Variants in MEOX2 observed in about 807,000 individuals in gnomAD.
MEOX2 encodes homeobox protein MOX-2.
Under a neutral mutation model 27.0 loss-of-function variants are expected in MEOX2, and 11 were observed. The ratio of observed to expected loss-of-function variants is 0.41; its 90% CI spans 0.26 to 0.68. The LOEUF (loss-of-function observed/expected upper bound fraction) is 0.68. MEOX2 is among the 30% of genes least tolerant of loss of function. MEOX2 has a pLI of 0.33. For synonymous variants in MEOX2, 189 were observed against 155.4 expected, an observed-to-expected ratio of 1.22 and a Z score of -1.61; for missense variants, 436 against 385.4, an observed-to-expected ratio of 1.13 and a Z score of -1.10.
intron 1 of MEOX2, among the ~76,000 whole-genome samples, chr7:15,632,669 T>A (rs1003977952): frequency 6.6e-6 from 1 of 151,874 alleles, no homozygotes; most frequent in Non-Finnish European, 1.5e-5. Context: ...TGCGTCAAAT[T>A]TGACACAGAT....
rs1048013657 is a variant in MEOX2, at chr7:15,686,100, C to T, written c.303G>A (p.Pro101=). The T allele has an allele frequency of 4.3e-5, 68 of 1,585,436 alleles. No homozygotes were observed. Among genetic ancestry groups the T allele is most frequent in the Non-Finnish European group, 5.3e-5 (62 of 1,167,190 alleles). The change falls in exon 1 of 3, where the codon CCG becomes CCA. Residue 101 remains proline (P), a synonymous_variant. Transcript: ENST00000262041. ...GGCAGAGGCTGTGCCGAGCCGCACT[C>T]GGTGGGGAAGACATCTGCGGGAGGT... ...NWHLPQMSSP[P]SAARHSLCLQ...
chr7:15,624,348 A>C (rs1190080874), intron 2 of MEOX2, among the ~76,000 whole-genome samples: 1 of 152,166 alleles, frequency 6.6e-6, no homozygotes, highest in Non-Finnish European at 1.5e-5. Context: ...AAACTGAACT[A>C]TCTCTCATGT....
intron 1 of MEOX2, among the ~76,000 whole-genome samples, chr7:15,635,598 G>C (rs1291554683): frequency 2.6e-5 from 4 of 151,972 alleles, no homozygotes; most frequent in African/African-American, 9.7e-5. Context: ...GTTATTAGGA[G>C]AGGACTGTGG....
chr7:15,620,916 T>G (rs1781212158), intron 2 of MEOX2, among the ~76,000 whole-genome samples: 1 of 152,036 alleles, frequency 6.6e-6, no homozygotes, highest in African/African-American at 2.4e-5. Flanking sequence ...GATCTCCCAT[T>G]CTGTCTATAT....
chr7:15,676,257 GT>G (rs1782190535), intron 1 of MEOX2: 1 of 152,102 alleles, frequency 6.6e-6, no homozygotes, highest in Admixed American at 6.6e-5. Flanking sequence ...TATGTTCTTT[GT>G]AAAAAGAAAT....
intron 1 of MEOX2, among the ~76,000 whole-genome samples, chr7:15,639,343 G>T (rs1781527694): frequency 1.3e-5 from 2 of 151,778 alleles, no homozygotes; most frequent in Admixed American, 1.3e-4. Context: ...TTTTCTTGTG[G>T]ATTTGTTTAA....
chr7:15,640,619 T>A (rs1485066620), intron 1 of MEOX2, among the ~76,000 whole-genome samples: 1 of 152,160 alleles, frequency 6.6e-6, no homozygotes, highest in East Asian at 1.9e-4. Context: ...TTAAAGGGAA[T>A]GTTTTCAAAT....
intron 1 of MEOX2, among the ~76,000 whole-genome samples, chr7:15,660,561 T>A (rs1334861182): frequency 2.6e-5 from 4 of 152,148 alleles, no homozygotes; most frequent in African/African-American, 9.7e-5. Context: ...AGTAGAACTA[T>A]TCCCGCCTCC....
At chr7:15,640,759 T>G (rs1781547070) in intron 1 of MEOX2, among the ~76,000 whole-genome samples, 2 of 152,172 alleles carry the variant, frequency 1.3e-5, no homozygotes, top group African/African-American at 4.8e-5. Flanking sequence ...TAACAAATGC[T>G]TTTTCTGCAT....
intron 1 of MEOX2, among the ~76,000 whole-genome samples, chr7:15,647,690 CCAA>C (rs1781673485): frequency 6.6e-6 from 1 of 151,894 alleles, no homozygotes; most frequent in Non-Finnish European, 1.5e-5. Context: ...TTTGTAACAG[CCAA>C]CAACAAAAAC....
At chr7:15,675,903 T>C (rs1782185247) in intron 1 of MEOX2, 1 of 152,190 alleles carries the variant, frequency 6.6e-6, no homozygotes, top group South Asian at 2.1e-4. Flanking sequence ...CACTCTCTGT[T>C]CCTTTAAACT....
In MEOX2 at chr7:15,612,328, G is replaced by T. The variant is rs1046039061; in HGVS notation, c.*59C>A. ...CATCTCTCTGTGTAAACGATATTTG[G>T]GTAAGGCTTGCCATCACAACATTTC... On this transcript the variant is annotated 3_prime_UTR_variant, in exon 3 of 3. Transcript: ENST00000262041. 6 of 1,325,540 alleles carry T rather than the reference G, an allele frequency of 4.5e-6. No individual in the cohort carries two copies. The highest frequency in any genetic ancestry group is 5.4e-6 in the Non-Finnish European group (5 of 919,990). The allele number at this position is 1,325,540 out of a possible 1,614,324, so 82.1% of individuals were successfully genotyped here.
chr7:15,641,132 T>C (rs530902420), intron 1 of MEOX2, among the ~76,000 whole-genome samples: 16 of 152,180 alleles, frequency 1.1e-4, no homozygotes, highest in Non-Finnish European at 2.2e-4. Flanking sequence ...AATTTGGCTA[T>C]GAATCCATTT....
chr7:15,646,220 A>G (rs1331334647), intron 1 of MEOX2, among the ~76,000 whole-genome samples: 1 of 152,104 alleles, frequency 6.6e-6, no homozygotes, highest in East Asian at 1.9e-4. Flanking sequence ...TAAATGAACA[A>G]ATGGGATAAT....
chr7:15,680,969 T>C (rs1782283663), intron 1 of MEOX2: 1 of 151,306 alleles, frequency 6.6e-6, no homozygotes, highest in South Asian at 2.1e-4. Context: ...ATTATTACAA[T>C]CAAGGGGGGA....
chr7:15,656,777 C>G (rs1322971025), intron 1 of MEOX2, among the ~76,000 whole-genome samples: 1 of 151,892 alleles, frequency 6.6e-6, no homozygotes, highest in African/African-American at 2.4e-5. Flanking sequence ...TAATTTTACC[C>G]TTGCCATTGT....
At chr7:15,650,254 C>A (rs559479624) in intron 1 of MEOX2, among the ~76,000 whole-genome samples, 1 of 152,076 alleles carries the variant, frequency 6.6e-6, no homozygotes, top group Non-Finnish European at 1.5e-5. Context: ...GGCTCAAAAT[C>A]ATTAAAGAGT....
At position 15,686,034 on chromosome 7, in the gene MEOX2, G is replaced by A; in HGVS notation, c.369C>T (p.Ser123=). The A allele has an allele frequency of 6.2e-7, 1 of 1,606,260 alleles. No individual in the cohort carries two copies. Among genetic ancestry groups the A allele is most frequent in the Non-Finnish European group, 8.5e-7 (1 of 1,179,230 alleles). ...AAGAGTTGGAGCACAGGACGGGCGG[G>A]CTGCTCCCCAACTCTGGGGGCCCTC... ...DSGGPPELGS[S]PPVLCSNSSS... is the part of the protein sequence containing the mutation. Residue 123 remains serine (S), a synonymous_variant, in exon 1 of 3, where the codon AGC becomes AGT. Coordinates refer to ENST00000262041, the MANE Select transcript of MEOX2 (RefSeq NM_005924.5).
chr7:15,686,320 G>A lies in MEOX2; in HGVS notation c.83C>T (p.Ala28Val). Residue 28 changes from alanine to valine, a missense_variant, in exon 1 of 3, where the codon GCC (alanine) becomes GTC (valine). Coordinates refer to ENST00000262041, the MANE Select transcript of MEOX2 (RefSeq NM_005924.5). ...CATATGGTCAGATCTTCCATGGAGG[G>A]CGAGAGAGGATTGGGAGAACGGGTG... Reference protein sequence around the residue: ...GLHPFSQSSLALHGRSDHMSY... With the variant: ...GLHPFSQSSLVLHGRSDHMSY... 1.9e-6 allele frequency: 3 copies of A among 1,607,452 alleles called. No individual in the cohort carries two copies. The highest frequency in any genetic ancestry group is 2.2e-5 in the East Asian group (1 of 44,618).
Sources: allele counts gnomAD v4.1 joint callset (sites outside exome capture counted in the v4.1 genomes callset), GRCh38; gene constraint gnomAD v4.1.1; transcripts MANE v1.5; gene names NCBI Gene and HGNC (gene_info 2026-07-23, HGNC 2026-07-21).